ODAD3: variants seen among roughly 807,000 people sequenced by gnomAD.
ODAD3 encodes the protein outer dynein arm docking complex subunit 3.
Under a neutral mutation model 70.9 loss-of-function variants are expected in ODAD3, and 57 were observed. That is an observed-to-expected ratio of 0.80 (90% CI 0.65 to 1.00). The LOEUF (loss-of-function observed/expected upper bound fraction) is 1.00, where lower values mean the gene tolerates loss of function less well. ODAD3 is among the 50% of genes least tolerant of loss of function. ODAD3 has a pLI of 0.00. For missense variants in ODAD3, 797 were observed against 763.9 expected, an observed-to-expected ratio of 1.04 and a Z score of -0.51; for synonymous variants, 327 against 315.9, an observed-to-expected ratio of 1.04 and a Z score of -0.37.
chr19:11,431,072 G>A (rs1359405931), intron 1 of ODAD3, 52 bp from the exon 2 acceptor site: 1 of 1,599,470 alleles, frequency 6.3e-7, no homozygotes, highest in Non-Finnish European at 8.5e-7. Context: ...GGGTGCATGG[G>A]TGCAACATCC....
chr19:11,434,623 G>T, intron 1 of ODAD3, 150 bp downstream of exon 1: 1 of 934,682 alleles, frequency 1.1e-6, no homozygotes, highest in Non-Finnish European at 1.6e-6. Context: ...AGTTTTAAGA[G>T]ACAGAGAAGG....
chr19:11,425,457 GTGTGTGTATA>G (rs1969326022), intron 7 of ODAD3, among the ~76,000 whole-genome samples: 1 of 133,470 alleles, frequency 7.5e-6, no homozygotes, highest in Non-Finnish European at 1.6e-5. Context: ...ATACATATAT[GTGTGTGTATA>G]TATGTATATA....
upstream of ODAD3, chr19:11,435,630 G>T: frequency 8.2e-7 from 1 of 1,224,192 alleles, no homozygotes; most frequent in African/African-American, 1.5e-5. Flanking sequence ...AGAAATTTCC[G>T]CTTTCTTTCT....
chr19:11,425,177 A>C lies in ODAD3; in HGVS notation c.963+967T>G, dbSNP rs1462013617. ...TATATATACATATGTGTATATGTAC[A>C]TATGTGTATATATACATATGTGTAT... On this transcript the variant is annotated intron_variant, in intron 7 of 12. Coordinates refer to ENST00000356392, the MANE Select transcript of ODAD3 (RefSeq NM_145045.5). Among the ~76,000 whole-genome samples, 5 of 141,216 alleles carry C rather than the reference A, an allele frequency of 3.5e-5. No homozygotes were observed. The South Asian group carries it at 1.1e-3, about 32-fold the overall frequency. 92.6% of individuals were successfully genotyped at this position (141,216 alleles called of 152,430 possible).
chr19:11,425,138 T>TATATGTAC (rs1255277069), intron 7 of ODAD3, among the ~76,000 whole-genome samples: 2 of 133,952 alleles, frequency 1.5e-5, no homozygotes, highest in East Asian at 4.5e-4. Context: ...TGTATATGTG[T>TATATGTAC]ATATGTACAT....
upstream of ODAD3, chr19:11,435,385 G>A (rs1477054191): frequency 2.3e-5 from 10 of 426,206 alleles, no homozygotes; most frequent in Non-Finnish European, 3.3e-5. Flanking sequence ...CTGGGGGTTC[G>A]CGGGCATTTT....
chr19:11,422,405 C>CACCA lies in ODAD3; in HGVS notation c.1434+65_1434+66insTGGT. ...GGGCAAGCTGGTGTGGCAGGAACCC[C>CACCA]GCTTCGTGGCTGCGCCTCTGCGGTC... On this transcript the variant is annotated intron_variant, in intron 10 of 12. Transcript: ENST00000356392. The surrounding 1 kb of genome is among the most constrained non-coding windows in gnomAD (Gnocchi z 4.6). The CACCA allele has an allele frequency of 1.7e-5, 25 of 1,461,904 alleles. No homozygotes were observed. Among genetic ancestry groups the CACCA allele is most frequent in the Non-Finnish European group, 2.3e-5 (25 of 1,102,508 alleles). 90.6% of individuals were successfully genotyped at this position (1,461,904 alleles called of 1,614,324 possible).
Position 11,430,902 on chromosome 19 carries a change from G to T in ODAD3, c.363C>A (p.Leu121=), listed in dbSNP as rs201339312. Residue 121 remains leucine, a synonymous_variant, in exon 2 of 13, where the codon CTC becomes CTA. Transcript: ENST00000356392. ...KALELKLLDL[L]KGDEKVVQAV... ...CACCCACCCCTTTGCCCCTTACCTT[G>T]AGCAGGTCCAGCAGCTTTAGTTCCA... 1 of 1,614,048 alleles carries T rather than the reference G, an allele frequency of 6.2e-7. No homozygotes were observed. Among genetic ancestry groups the T allele is most frequent in the Non-Finnish European group, 8.5e-7 (1 of 1,180,006 alleles).
At chr19:11,432,511 G>T (rs1392389739) in intron 1 of ODAD3, among the ~76,000 whole-genome samples, 2 of 152,146 alleles carry the variant, frequency 1.3e-5, no homozygotes, top group African/African-American at 4.8e-5. Context: ...CTCCCAAAGT[G>T]CTGGGATTAC....
chr19:11,431,628 A>C (rs547718471), intron 1 of ODAD3, among the ~76,000 whole-genome samples: 1 of 151,620 alleles, frequency 6.6e-6, no homozygotes, highest in South Asian at 2.1e-4. Context: ...CCATCTCTAC[A>C]AAAATACAAA....
chr19:11,426,197 A>G lies in ODAD3; in HGVS notation c.910T>C (p.Cys304Arg), dbSNP rs757568684. Residue 304 changes from cysteine (C) to arginine (R), a missense_variant, in exon 7 of 13, where the codon TGC becomes CGC. Transcript: ENST00000356392. ...RKKRERYISE[C>R]KKRAEEKKLE... ...TTCTTCTCCTCGGCGCGCTTCTTGC[A>G]CTCACTTATGTAGCGTTCCCGCTTC... 3.1e-6 allele frequency: 5 copies of G among 1,613,598 alleles called. No individual in the cohort carries two copies. In the East Asian group the frequency reaches 1.1e-4, roughly 36 times the overall value.
rs1969351051 is a variant in ODAD3 at position 11,425,660 on chromosome 19, T to TAC, written c.963+483_963+484insGT. 9.9e-5 allele frequency among the ~76,000 whole-genome samples: 13 copies of TAC among 131,940 alleles called. 1 individual carries two copies. The highest frequency in any genetic ancestry group is 4.6e-4 in the African/African-American group (12 of 26,302). 86.6% of individuals were successfully genotyped at this position (131,940 alleles called of 152,430 possible). A position where few individuals can be genotyped will look rare whatever the true frequency, so the allele number is the denominator to read the frequency against. ...ATATATATGTATATACGTATATATA[T>TAC]ATATATATATGCAAAAAAAACCTAT... On this transcript the variant is annotated intron_variant, in intron 7 of 12. Transcript: ENST00000356392.
intron 7 of ODAD3, among the ~76,000 whole-genome samples, chr19:11,424,923 CTA>C (rs1419938768): frequency 3.2e-4 from 30 of 94,586 alleles, no homozygotes; most frequent in Non-Finnish European, 4.2e-4. Context: ...GTATATGTAC[CTA>C]TGTGTATATA....
At chr19:11,431,113 C>CCT in intron 1 of ODAD3, 93 bp from the exon 2 acceptor site, 1 of 1,255,668 alleles carries the variant, frequency 8.0e-7, no homozygotes, top group Non-Finnish European at 1.1e-6. Flanking sequence ...CAATCATCAA[C>CCT]TTTTTTTTTT....
At chr19:11,435,230 C>T, upstream of ODAD3, 1 of 1,402,014 alleles carries the variant, frequency 7.1e-7, no homozygotes, top group South Asian at 1.5e-5. Flanking sequence ...CCGTGGCTGA[C>T]ACTGCGTTCT....
chr19:11,435,220 C>T (rs769537807), upstream of ODAD3: 4 of 1,413,560 alleles, frequency 2.8e-6, no homozygotes, highest in Non-Finnish European at 3.7e-6. Flanking sequence ...CACCCGCGTT[C>T]CGTGGCTGAC....
chr19:11,421,456 G>A (rs1969132919), intron 11 of ODAD3, among the ~76,000 whole-genome samples: 1 of 152,042 alleles, frequency 6.6e-6, no homozygotes, highest in Non-Finnish European at 1.5e-5. Context: ...TACCCCAGCC[G>A]CGTCCTCTAG....
Position 11,431,004 on chromosome 19 carries a change from A to G in ODAD3, c.261T>C (p.Ala87=), listed in dbSNP as rs1428205112. ...KIQLLEGDRK[A]FFESSQWNIK... ...TGTTCCACTGAGAGCTCTCAAAAAA[A>G]GCCTTCCGGTCACCCTCTGGCAGGC... The change falls in exon 2 of 13, where the codon GCT becomes GCC. Residue 87 remains alanine (A), a synonymous_variant. Transcript: ENST00000356392. 2 of 1,614,102 alleles carry G rather than the reference A, an allele frequency of 1.2e-6. No individual in the cohort carries two copies. The highest frequency in any genetic ancestry group is 8.5e-7 in the Non-Finnish European group (1 of 1,180,008).
intron 1 of ODAD3, among the ~76,000 whole-genome samples, chr19:11,433,381 A>G (rs1040875156): frequency 6.6e-6 from 1 of 152,228 alleles, no homozygotes; most frequent in South Asian, 2.1e-4. Context: ...GTCTTAGGAC[A>G]TTGCCAAATG....
Sources: allele counts gnomAD v4.1 joint callset (sites outside exome capture counted in the v4.1 genomes callset), GRCh38; gene constraint gnomAD v4.1.1; non-coding constraint Gnocchi (gnomAD v3.1); transcripts MANE v1.5; gene names NCBI Gene and HGNC (gene_info 2026-07-23, HGNC 2026-07-21).